The following CUX1 variants were observed in gnomAD, a reference collection of about 807,000 sequenced individuals.
CUX1 encodes the protein protein CASP.
A neutral mutation model predicts 158.8 loss-of-function variants in CUX1; 31 were observed. That is an observed-to-expected ratio of 0.20 (90% confidence interval 0.15 to 0.26). CUX1 has a LOEUF of 0.26. CUX1 is among the 10% of genes least tolerant of loss of function. The pLI is 1.00. For synonymous variants in CUX1, 879 were observed against 862.1 expected, an observed-to-expected ratio of 1.02 and a Z score of -0.34; for missense variants, 1,589 against 2,014.6, an observed-to-expected ratio of 0.79 and a Z score of 4.04.
At chr7:101,913,206 T>G (rs1234065465) in intron 1 of CUX1, 1 of 334,854 alleles carries the variant, frequency 3.0e-6, no homozygotes. Context: ...TTAAATCTGA[T>G]CAACCCAATC....
Position 101,895,049 on chromosome 7 carries a change from C to T in CUX1, c.31-21066C>T, listed in dbSNP as rs570488718. On this transcript the variant is annotated intron_variant, in intron 1 of 23. Transcript: ENST00000292535. ...AATTTATTTATTTTTGAGATGGAGT[C>T]TTGCTGTGTCGCCCAGGCTGGAGTG... Among the ~76,000 whole-genome samples, 6 of 152,078 alleles carry T rather than the reference C, an allele frequency of 3.9e-5. No homozygotes were observed. In the South Asian group the frequency reaches 1.2e-3, roughly 32 times the overall value.
At chr7:102,088,435 C>G (rs187173429) in intron 4 of CUX1, among the ~76,000 whole-genome samples, 4 of 151,992 alleles carry the variant, frequency 2.6e-5, no homozygotes, top group Non-Finnish European at 5.9e-5. Flanking sequence ...GAGCTGGAGA[C>G]CAGCCTGGCC....
At chr7:102,234,328 G>A in intron 22 of CUX1, 88 bp downstream of exon 22, 1 of 1,260,842 alleles carries the variant, frequency 7.9e-7, no homozygotes. Context: ...AGCTGATGAG[G>A]GACATTGACC....
chr7:101,854,304 CAT>C (rs1368943724), intron 1 of CUX1, among the ~76,000 whole-genome samples: 1 of 152,134 alleles, frequency 6.6e-6, no homozygotes, highest in Non-Finnish European at 1.5e-5. Context: ...CAGCGGGTAA[CAT>C]ATGATTAACA....
chr7:101,923,114 T>C (rs1196601127), intron 2 of CUX1, among the ~76,000 whole-genome samples: 1 of 152,204 alleles, frequency 6.6e-6, no homozygotes, highest in Non-Finnish European at 1.5e-5. Flanking sequence ...CAGCCCCGGC[T>C]CACTGGCCTG....
intron 20 of CUX1, among the ~76,000 whole-genome samples, chr7:102,212,737 C>T (rs530782659): frequency 2.7e-5 from 4 of 147,020 alleles, no homozygotes; most frequent in Admixed American, 1.4e-4. Context: ...ATATTTATTC[C>T]ACGCAGATGG....
chr7:102,206,246 T>C (rs1795934098), intron 20 of CUX1, among the ~76,000 whole-genome samples: 1 of 152,118 alleles, frequency 6.6e-6, no homozygotes, highest in African/African-American at 2.4e-5. Flanking sequence ...GTGTTCTGAT[T>C]TGACTCTGAC....
chr7:101,949,791 CA>C (rs1337018779), intron 2 of CUX1, among the ~76,000 whole-genome samples: 1 of 152,136 alleles, frequency 6.6e-6, no homozygotes, highest in Non-Finnish European at 1.5e-5. Flanking sequence ...CTCAGCCTCC[CA>C]AAGTGCTGGG....
chr7:101,886,165 A>C (rs1226350807), intron 1 of CUX1, among the ~76,000 whole-genome samples: 1 of 150,600 alleles, frequency 6.6e-6, no homozygotes, highest in African/African-American at 2.4e-5. Context: ...TGTCTCAGTG[A>C]CCCTACAGGG....
intron 2 of CUX1, among the ~76,000 whole-genome samples, chr7:102,012,014 G>A (rs1429813386): frequency 2.0e-5 from 3 of 151,826 alleles, no homozygotes; most frequent in East Asian, 1.9e-4. Flanking sequence ...TCACCATGTT[G>A]GCCATGCTGG....
chr7:102,180,633 CT>C (rs57798951), intron 11 of CUX1, among the ~76,000 whole-genome samples: 45,796 of 141,988 alleles, frequency 0.32, 7,313 homozygotes, highest in Middle Eastern at 0.37. Flanking sequence ...GGCCCAATGT[CT>C]TTTTTTTTTT....
rs1367420419 is a variant in CUX1 at position 102,253,180 on chromosome 7, T to C, written c.*4138T>C. The C allele has an allele frequency of 1.0e-6, 1 of 985,408 alleles. No individual in the cohort carries two copies. Among genetic ancestry groups the C allele is most frequent in the Admixed American group, 6.1e-5 (1 of 16,268 alleles). The allele number at this position is 985,408 out of a possible 1,614,324, so 61.0% of individuals were successfully genotyped here. Reference sequence around the variant, plus strand: ...ATCCTGTCTGATGTGGACGTTCAGGTCTGCTGGTTGGCGGTCCGGGCCCAG... The same window carrying C: ...ATCCTGTCTGATGTGGACGTTCAGGCCTGCTGGTTGGCGGTCCGGGCCCAG... On this transcript the variant is annotated 3_prime_UTR_variant, in exon 24 of 24. Coordinates refer to ENST00000292535, the MANE Select transcript of CUX1 (RefSeq NM_181552.4).
chr7:102,132,534 C>T (rs1434264151), intron 8 of CUX1, among the ~76,000 whole-genome samples: 1 of 151,944 alleles, frequency 6.6e-6, no homozygotes, highest in Non-Finnish European at 1.5e-5. Flanking sequence ...GCTCCTCCTT[C>T]ATTCCAGAAA....
intron 3 of CUX1, among the ~76,000 whole-genome samples, chr7:102,059,262 A>G (rs372548907): frequency 6.6e-5 from 10 of 152,212 alleles, no homozygotes; most frequent in East Asian, 5.8e-4. Context: ...CCCTGCCACA[A>G]ATCTCCTCTA....
At chr7:102,234,512 C>T (rs1041196918) in intron 22 of CUX1, among the ~76,000 whole-genome samples, 9 of 152,182 alleles carry the variant, frequency 5.9e-5, no homozygotes, top group African/African-American at 1.9e-4. Context: ...GCTCTGGGGG[C>T]GCTGCATTTG....
intron 1 of CUX1, among the ~76,000 whole-genome samples, chr7:101,908,209 T>C (rs1047462217): frequency 1.2e-4 from 19 of 152,352 alleles, no homozygotes; most frequent in African/African-American, 3.6e-4. Flanking sequence ...ACTAGATTGA[T>C]TGCTGTTGAT....
At chr7:101,871,196 T>C (rs1157991816) in intron 1 of CUX1, among the ~76,000 whole-genome samples, 1 of 152,190 alleles carries the variant, frequency 6.6e-6, no homozygotes, top group Non-Finnish European at 1.5e-5. Flanking sequence ...ACTGCCTTGC[T>C]CTGCCCGGGA....
chr7:101,882,697 T>C (rs919641915), intron 1 of CUX1, among the ~76,000 whole-genome samples: 1 of 152,146 alleles, frequency 6.6e-6, no homozygotes, highest in Non-Finnish European at 1.5e-5. Flanking sequence ...TAGCAGCTGT[T>C]GATGTACATG....
At chr7:102,095,176 T>C (rs1273770414) in intron 4 of CUX1, among the ~76,000 whole-genome samples, 1 of 151,668 alleles carries the variant, frequency 6.6e-6, no homozygotes, top group Non-Finnish European at 1.5e-5. Flanking sequence ...GTTTTTTGGT[T>C]TGTGTTTTTG....
Sources: allele counts gnomAD v4.1 joint callset (sites outside exome capture counted in the v4.1 genomes callset), GRCh38; gene constraint gnomAD v4.1.1; transcripts MANE v1.5; gene names NCBI Gene and HGNC (gene_info 2026-07-23, HGNC 2026-07-21).